The following SLC12A1 variants were observed in gnomAD, a reference collection of about 807,000 sequenced individuals.
SLC12A1 encodes solute carrier family 12 member 1, also known as Na-K-2Cl cotransporter.
In SLC12A1, 89 loss-of-function variants were observed where a neutral mutation model predicts 130.4. That is an observed-to-expected ratio of 0.68 (90% confidence interval 0.58 to 0.81). The LOEUF (loss-of-function observed/expected upper bound fraction) is 0.81, where lower values mean the gene tolerates loss of function less well. SLC12A1 is among the 40% of genes least tolerant of loss of function. The probability of loss-of-function intolerance (pLI) is 0.00; values close to 1 mark genes in which losing one functional copy is unlikely to be tolerated. For synonymous variants in SLC12A1, 499 were observed against 460.0 expected, an observed-to-expected ratio of 1.08 and a Z score of -1.09; for missense variants, 1,310 against 1,336.4, an observed-to-expected ratio of 0.98 and a Z score of 0.31.
In SLC12A1 at chr15:48,294,878, T is replaced by C. The variant is rs911709459; in HGVS notation, c.2960+3014T>C. On this transcript the variant is annotated intron_variant, in intron 24 of 26. Coordinates refer to ENST00000380993, the MANE Select transcript of SLC12A1 (RefSeq NM_000338.3). ...GCCCTAGCTTAATGCTGGGCATGAATTATCCACCCACTTCTTTTTATTTTA... is the reference window on the plus strand; with the variant it reads ...GCCCTAGCTTAATGCTGGGCATGAACTATCCACCCACTTCTTTTTATTTTA... Among the ~76,000 whole-genome samples, 12 of 143,082 alleles carry C rather than the reference T, an allele frequency of 8.4e-5. 1 individual carries two copies. Among genetic ancestry groups the C allele is most frequent in the Non-Finnish European group, 1.7e-4 (11 of 66,328 alleles). 93.9% of individuals were successfully genotyped at this position (143,082 alleles called of 152,430 possible). A position where few individuals can be genotyped will look rare whatever the true frequency, so the allele number is the denominator to read the frequency against.
intron 15 of SLC12A1, among the ~76,000 whole-genome samples, chr15:48,255,241 C>T (rs1440789728): frequency 1.3e-5 from 2 of 152,046 alleles, no homozygotes; most frequent in African/African-American, 4.8e-5. Flanking sequence ...AGTTTGAGAC[C>T]AGTCTGGCCA....
chr15:48,277,980 G>T (rs1310869223), intron 20 of SLC12A1, among the ~76,000 whole-genome samples: 3 of 152,156 alleles, frequency 2.0e-5, no homozygotes, highest in African/African-American at 4.8e-5. Flanking sequence ...TAGCACAAAA[G>T]GTTATCTCTT....
intron 2 of SLC12A1, among the ~76,000 whole-genome samples, chr15:48,212,986 C>T (rs2141006929): frequency 6.6e-6 from 1 of 152,330 alleles, no homozygotes; most frequent in Admixed American, 6.5e-5. Flanking sequence ...AAAATTCTCA[C>T]TCAATCCTTA....
At chr15:48,251,347 C>T (rs1326927067) in intron 14 of SLC12A1, among the ~76,000 whole-genome samples, 2 of 151,524 alleles carry the variant, frequency 1.3e-5, no homozygotes, top group Non-Finnish European at 2.9e-5. Flanking sequence ...GGAAGACAGT[C>T]GGGAGCACGG....
intron 21 of SLC12A1, among the ~76,000 whole-genome samples, chr15:48,287,107 C>T (rs1237689044): frequency 1.3e-5 from 2 of 152,150 alleles, no homozygotes; most frequent in Non-Finnish European, 2.9e-5. Flanking sequence ...CAGGCTGACA[C>T]CACCACTTTG....
At chr15:48,289,499 C>CACAT (rs10669720) in intron 23 of SLC12A1, among the ~76,000 whole-genome samples, 3 of 147,836 alleles carry the variant, frequency 2.0e-5, no homozygotes, top group African/African-American at 5.1e-5. Context: ...TACACACACA[C>CACAT]AGTTATACAC....
chr15:48,238,556 A>G (rs1220292258), intron 9 of SLC12A1, among the ~76,000 whole-genome samples: 1 of 152,206 alleles, frequency 6.6e-6, no homozygotes, highest in Non-Finnish European at 1.5e-5. Context: ...TGCCTTGAGA[A>G]GTAGTAACGT....
intron 8 of SLC12A1, among the ~76,000 whole-genome samples, chr15:48,233,798 C>T (rs1257601621): frequency 6.6e-6 from 1 of 151,960 alleles, no homozygotes; most frequent in Non-Finnish European, 1.5e-5. Flanking sequence ...CTATTATTTT[C>T]CCTCCCTTCC....
At chr15:48,242,477 T>C (rs1040419106) in intron 10 of SLC12A1, among the ~76,000 whole-genome samples, 1 of 152,184 alleles carries the variant, frequency 6.6e-6, no homozygotes, top group African/African-American at 2.4e-5. Flanking sequence ...TCTCATTGTC[T>C]CTAATTTGAG....
chr15:48,220,933 C>A lies in SLC12A1; in HGVS notation c.565C>A (p.Leu189Met). 1.9e-6 allele frequency: 3 copies of A among 1,613,984 alleles called. No individual in the cohort carries two copies. The highest frequency in any genetic ancestry group is 2.5e-6 in the Non-Finnish European group (3 of 1,179,866). The change falls in exon 4 of 27, where the codon CTG becomes ATG. Residue 189 changes from leucine to methionine, a missense_variant. By Grantham distance (15) the Leu-to-Met change is conservative. Coordinates refer to ENST00000380993, the MANE Select transcript of SLC12A1 (RefSeq NM_000338.3). ...WVKGVLVRCM[L>M]NIWGVMLFIR... is the part of the protein sequence containing the mutation. ...CTTCTATCCACAGGTAAGATGCATGCTGAACATCTGGGGAGTCATGCTCTT... is the reference window on the plus strand; with the variant it reads ...CTTCTATCCACAGGTAAGATGCATGATGAACATCTGGGGAGTCATGCTCTT...
chr15:48,246,980 C>A lies in SLC12A1; in HGVS notation c.1524C>A (p.Ala508=). The A allele has an allele frequency of 6.2e-7, 1 of 1,613,992 alleles. No homozygotes were observed. ...TCTTTTCTGCAACACTCTCCTCCGC[C>A]CTGGCCTCCCTTGTCAGCGCACCCA... is the stretch of plus-strand genomic sequence containing the variant. ...AGIFSATLSS[A]LASLVSAPKV... Residue 508 remains alanine (A), a synonymous_variant, in exon 12 of 27, where the codon GCC becomes GCA. Coordinates refer to ENST00000380993, the MANE Select transcript of SLC12A1 (RefSeq NM_000338.3).
intron 23 of SLC12A1, 70 bp downstream of exon 23, chr15:48,288,586 A>G: frequency 1.3e-6 from 1 of 753,014 alleles, no homozygotes. Context: ...AATTTTAATA[A>G]CTTTAAGTGT....
chr15:48,264,027 C>A (rs1243201719), intron 17 of SLC12A1, among the ~76,000 whole-genome samples: 1 of 152,126 alleles, frequency 6.6e-6, no homozygotes, highest in Non-Finnish European at 1.5e-5. Context: ...CATTACAGAT[C>A]AAGTTAAAGC....
At position 48,208,099 on chromosome 15, in the gene SLC12A1, A is replaced by ACCGACC. The variant is rs1260676327; in HGVS notation, c.382_387dup (p.Arg128_Pro129dup). ...GGCAGCATCAGTGGGCCCAAGGTCA[A>ACCGACC]CCGACCCAGCCTGCTTGAGATTCAC... On this transcript the variant is annotated inframe_insertion, in exon 2 of 27. Coordinates refer to ENST00000380993, the MANE Select transcript of SLC12A1 (RefSeq NM_000338.3). 6.2e-7 allele frequency: 1 copy of ACCGACC among 1,608,086 alleles called. No homozygotes were observed. Among genetic ancestry groups the ACCGACC allele is most frequent in the Admixed American group, 1.7e-5 (1 of 59,720 alleles).
chr15:48,259,331 A>G lies in SLC12A1; in HGVS notation c.2154+20A>G, dbSNP rs1469773315. 2.7e-6 allele frequency: 4 copies of G among 1,482,322 alleles called. No individual in the cohort carries two copies. In the South Asian group the frequency reaches 3.4e-5, roughly 13 times the overall value. 91.8% of individuals were successfully genotyped at this position (1,482,322 alleles called of 1,614,324 possible). On this transcript the variant is annotated intron_variant, in intron 17 of 26. Transcript: ENST00000380993. ...TTTGTGGTAAGAGCCACTTCACCCC[A>G]GGGAAGTCCTTTTTCCTCCCTGCTT...
At chr15:48,287,989 T>C in intron 21 of SLC12A1, 54 bp from the exon 22 acceptor site, 2 of 1,573,130 alleles carry the variant, frequency 1.3e-6, no homozygotes, top group South Asian at 2.4e-5. Context: ...TGGAAAGTTA[T>C]TTTGTTTCTG....
chr15:48,294,347 CA>C (rs1202623612), intron 24 of SLC12A1, among the ~76,000 whole-genome samples: 665 of 46,360 alleles, frequency 0.014, 4 homozygotes, highest in African/African-American at 0.037. Context: ...GACTACATCT[CA>C]AAAAAAAAAA....
intron 10 of SLC12A1, among the ~76,000 whole-genome samples, chr15:48,243,808 C>A (rs1226333886): frequency 6.6e-6 from 1 of 152,140 alleles, no homozygotes; most frequent in African/African-American, 2.4e-5. Flanking sequence ...CATGAGAATC[C>A]ACCCTGGGTA....
intron 4 of SLC12A1, chr15:48,221,299 A>T (rs774266041): frequency 1.4e-6 from 1 of 701,570 alleles, no homozygotes. Flanking sequence ...TAATATTTGT[A>T]TTGGGGGACA....
Sources: allele counts gnomAD v4.1 joint callset (sites outside exome capture counted in the v4.1 genomes callset), GRCh38; gene constraint gnomAD v4.1.1; transcripts MANE v1.5; gene names NCBI Gene and HGNC (gene_info 2026-07-23, HGNC 2026-07-21).